CSTPP1: variants seen among roughly 807,000 people sequenced by gnomAD.
CSTPP1 encodes the protein centriolar satellite-associated tubulin polyglutamylase complex regulator 1, also known as UPF0705 protein C11orf49.
chr11:46,984,595 T>C, the CSTPP1 span, among the ~76,000 whole-genome samples: 2 of 152,092 alleles, frequency 1.3e-5, no homozygotes, highest in Non-Finnish European at 2.9e-5. Flanking sequence ...GCTTTTTTTT[T>C]CTAGAAGGAC....
the CSTPP1 span, among the ~76,000 whole-genome samples, chr11:47,053,924 A>G: frequency 6.6e-6 from 1 of 152,006 alleles, no homozygotes; most frequent in African/African-American, 2.4e-5. Flanking sequence ...AGCCTAGGTG[A>G]CAGCGAGATC....
At chr11:47,085,045 C>T in the CSTPP1 span, among the ~76,000 whole-genome samples, 1 of 150,962 alleles carries the variant, frequency 6.6e-6, no homozygotes, top group African/African-American at 2.4e-5. Flanking sequence ...ACTAAAAATA[C>T]AAAAAAAAAT....
the CSTPP1 span, chr11:47,137,459 C>T: frequency 1.3e-6 from 2 of 1,506,546 alleles, no homozygotes; most frequent in South Asian, 1.3e-5. Context: ...CCTGGAAAAG[C>T]TTTGTAGAAA....
the CSTPP1 span, among the ~76,000 whole-genome samples, chr11:47,107,248 G>C: frequency 1.3e-5 from 2 of 152,202 alleles, no homozygotes; most frequent in Non-Finnish European, 2.9e-5. Flanking sequence ...GCTCTGGATG[G>C]TATTATTAAA....
At chr11:47,156,861 G>C in the CSTPP1 span, among the ~76,000 whole-genome samples, 1 of 152,346 alleles carries the variant, frequency 6.6e-6, no homozygotes, top group African/African-American at 2.4e-5. Context: ...TCAATGTGTT[G>C]TCAAACAAGG....
chr11:46,991,017 C>T, the CSTPP1 span, among the ~76,000 whole-genome samples: 6 of 151,986 alleles, frequency 3.9e-5, no homozygotes, highest in South Asian at 4.1e-4. Context: ...CCATGCAAAA[C>T]GCAATCTTCA....
the CSTPP1 span, among the ~76,000 whole-genome samples, chr11:47,125,733 G>A: frequency 8.5e-5 from 13 of 152,262 alleles, no homozygotes; most frequent in East Asian, 9.7e-4. Context: ...AAAAGGTAGT[G>A]GGGCCAGGAG....
At chr11:47,045,325 C>CA in the CSTPP1 span, among the ~76,000 whole-genome samples, 1 of 151,896 alleles carries the variant, frequency 6.6e-6, no homozygotes, top group Non-Finnish European at 1.5e-5. Context: ...TTTCACAATT[C>CA]AAAAAAAGCT....
At chr11:47,055,231 T>C in the CSTPP1 span, among the ~76,000 whole-genome samples, 13 of 151,904 alleles carry the variant, frequency 8.6e-5, no homozygotes, top group Admixed American at 4.6e-4. Context: ...CCATGCCTGG[T>C]CTCCTACTTT....
chr11:47,160,065 G>C, the CSTPP1 span: 2 of 214,268 alleles, frequency 9.3e-6, no homozygotes, highest in Admixed American at 1.1e-4. Context: ...ATTTGGGGAG[G>C]CTAAAGCAAG....
the CSTPP1 span, among the ~76,000 whole-genome samples, chr11:47,049,564 C>G: frequency 6.6e-6 from 1 of 151,956 alleles, no homozygotes; most frequent in Admixed American, 6.5e-5. Flanking sequence ...GTGCTTGAGC[C>G]TGGAGGGCAG....
the CSTPP1 span, among the ~76,000 whole-genome samples, chr11:47,066,402 G>T: frequency 1.3e-5 from 2 of 151,752 alleles, no homozygotes; most frequent in Non-Finnish European, 2.9e-5. Flanking sequence ...TGGGTTCATT[G>T]GTGTGACTAA....
At chr11:47,098,779 T>C in the CSTPP1 span, among the ~76,000 whole-genome samples, 1 of 152,160 alleles carries the variant, frequency 6.6e-6, no homozygotes, top group Non-Finnish European at 1.5e-5. Flanking sequence ...TTTTAAACAA[T>C]TTTCCATAAA....
chr11:47,093,964 G>A, the CSTPP1 span, among the ~76,000 whole-genome samples: 1 of 152,176 alleles, frequency 6.6e-6, no homozygotes, highest in African/African-American at 2.4e-5. Context: ...AAAGTAAATG[G>A]AATACATGCT....
chr11:46,973,790 G>GTGTGTC, the CSTPP1 span, among the ~76,000 whole-genome samples: 2 of 151,744 alleles, frequency 1.3e-5, no homozygotes, highest in Admixed American at 6.6e-5. Flanking sequence ...ATGTGTGTGT[G>GTGTGTC]TGTGTGTGTC....
At chr11:47,046,840 A>G in the CSTPP1 span, among the ~76,000 whole-genome samples, 93 of 146,728 alleles carry the variant, frequency 6.3e-4, no homozygotes, top group East Asian at 0.017. Flanking sequence ...TAATTTTTGT[A>G]TTTTTAGTAG....
the CSTPP1 span, among the ~76,000 whole-genome samples, chr11:47,060,258 CTTTTTTT>C: frequency 5.0e-5 from 5 of 99,016 alleles, no homozygotes; most frequent in Admixed American, 1.2e-4. Context: ...CTTTTCTTTT[CTTTTTTT>C]TTTTTTTTTT....
chr11:46,968,889 A>T, the CSTPP1 span, among the ~76,000 whole-genome samples: 8 of 152,132 alleles, frequency 5.3e-5, no homozygotes, highest in Non-Finnish European at 2.9e-5. Flanking sequence ...ACAGAGTGAG[A>T]TTCTGTCTCA....
At chr11:47,145,113 A>T in the CSTPP1 span, among the ~76,000 whole-genome samples, 2 of 147,304 alleles carry the variant, frequency 1.4e-5, no homozygotes, top group East Asian at 4.1e-4. Flanking sequence ...TCAGCCTCCC[A>T]AGTAGCTAGG....
Sources: gnomAD v4.1 joint callset for allele counts (sites outside exome capture counted in the v4.1 genomes callset) on GRCh38, gnomAD v4.1.1 for gene constraint, MANE v1.5 for transcripts, NCBI Gene and HGNC (gene_info 2026-07-23, HGNC 2026-07-21) for gene names.